Variants in LRRC61 observed in about 807,000 individuals in gnomAD.
LRRC61 encodes leucine rich repeat containing 61, also known as leucine-rich repeat-containing protein 61.
A neutral mutation model predicts 15.1 loss-of-function variants in LRRC61; 9 were observed. That is an observed-to-expected ratio of 0.60 (90% CI 0.36 to 1.04). LRRC61 has a LOEUF of 1.04. Among genes scored for constraint, LRRC61 ranks in the 50% least tolerant of loss-of-function variants. The pLI, the probability that LRRC61 is intolerant of heterozygous loss-of-function variation, is 0.01. For missense variants in LRRC61, 344 were observed against 335.6 expected, an observed-to-expected ratio of 1.03 and a Z score of -0.20; for synonymous variants, 173 against 158.6, an observed-to-expected ratio of 1.09 and a Z score of -0.68.
At chr7:150,331,929 T>C (rs1036439927) in intron 2 of LRRC61, 1 of 167,136 alleles carries the variant, frequency 6.0e-6, no homozygotes, top group African/African-American at 2.4e-5. Context: ...AGAAACCGAC[T>C]GAAGGGACTG....
Position 150,337,565 on chromosome 7 carries a change from G to A in LRRC61, c.704G>A (p.Arg235His), listed in dbSNP as rs138347257. ...CTGCAGGAGTGCTGGGACCTGGACC[G>A]CCAGGCCAGCGACAGCCTGGCCCAG... ...DTLQECWDLD[R>H]QASDSLAQAE... The change falls in exon 3 of 3, where the codon CGC becomes CAC. Residue 235 changes from arginine (R) to histidine (H), a missense_variant. Transcript: ENST00000359623. 2.2e-5 allele frequency: 35 copies of A among 1,590,270 alleles called. No individual in the cohort carries two copies. The African/African-American group carries it at 2.3e-4, about 10-fold the overall frequency.
In LRRC61 at chr7:150,337,935, C is replaced by T. The variant is rs572049265; in HGVS notation, c.*294C>T. On this transcript the variant is annotated 3_prime_UTR_variant, in exon 3 of 3. Transcript: ENST00000359623. ...AACTTAGTGGAAGGAATTACTTCCTCCTGAGGCTACAGGCGAGAAAGGTAG... is the reference window on the plus strand; with the variant it reads ...AACTTAGTGGAAGGAATTACTTCCTTCTGAGGCTACAGGCGAGAAAGGTAG... 1 of 498,212 alleles carries T rather than the reference C, an allele frequency of 2.0e-6. No homozygotes were observed. Among genetic ancestry groups the T allele is most frequent in the Non-Finnish European group, 3.7e-6 (1 of 271,610 alleles). 30.9% of individuals were successfully genotyped at this position (498,212 alleles called of 1,614,324 possible). A position where few individuals can be genotyped will look rare whatever the true frequency, so the allele number is the denominator to read the frequency against.
In LRRC61 at chr7:150,323,559, A is replaced by G; in HGVS notation, c.-316A>G. On this transcript the variant is annotated splice_region_variant and 5_prime_UTR_variant, in exon 1 of 3. Coordinates refer to ENST00000359623, the MANE Select transcript of LRRC61 (RefSeq NM_001142928.2). Reference sequence around the variant, plus strand: ...CCGCAGGCTGCCGGCTCCACCCCTCAGGTAAGCGGGGACTGGGCCGCCGAG... The same window carrying G: ...CCGCAGGCTGCCGGCTCCACCCCTCGGGTAAGCGGGGACTGGGCCGCCGAG... 2 of 440,706 alleles carry G rather than the reference A, an allele frequency of 4.5e-6. No homozygotes were observed. Among genetic ancestry groups the G allele is most frequent in the South Asian group, 3.2e-5 (2 of 63,130 alleles). The allele number at this position is 440,706 out of a possible 1,614,324, so 27.3% of individuals were successfully genotyped here.
At chr7:150,314,779 A>C in the LRRC61 span, among the ~76,000 whole-genome samples, 3 of 149,156 alleles carry the variant, frequency 2.0e-5, no homozygotes, top group Non-Finnish European at 3.0e-5. Context: ...TCCAAAAAAA[A>C]AAAAAAAACA....
the LRRC61 span, among the ~76,000 whole-genome samples, chr7:150,310,711 C>A: frequency 6.6e-6 from 1 of 152,148 alleles, no homozygotes; most frequent in Admixed American, 6.5e-5. Flanking sequence ...CTGTCCTACC[C>A]CAAGGTTTCA....
At chr7:150,331,446 T>C in intron 2 of LRRC61, 1 of 255,548 alleles carries the variant, frequency 3.9e-6, no homozygotes, top group Non-Finnish European at 8.0e-6. Context: ...TAAACCTATT[T>C]GGTAGGAAAG....
At chr7:150,321,133 A>T (rs1265134857), upstream of LRRC61, among the ~76,000 whole-genome samples, 1 of 152,180 alleles carries the variant, frequency 6.6e-6, no homozygotes, top group African/African-American at 2.4e-5. Flanking sequence ...GCTTGTGTTC[A>T]GCAAAAATCT....
chr7:150,316,537 GTGCAGTGGCGCGATCTCAGCTCAC>G, the LRRC61 span, among the ~76,000 whole-genome samples: 1 of 143,090 alleles, frequency 7.0e-6, no homozygotes, highest in Non-Finnish European at 1.5e-5. Flanking sequence ...CCAGGCGGGA[GTGCAGTGGCGCGATCTCAGCTCAC>G]TGCAACCTCT....
At chr7:150,318,488 T>C (rs1471705796), upstream of LRRC61, among the ~76,000 whole-genome samples, 10 of 152,158 alleles carry the variant, frequency 6.6e-5, no homozygotes, top group Non-Finnish European at 1.5e-4. Context: ...GAGTTGCCAG[T>C]TGCGGTGGCT....
rs1585050136 is a variant in LRRC61 at position 150,336,753 on chromosome 7, G to A, written c.-109G>A. The stretch of plus-strand genomic sequence containing the variant: ...GCTTCGAGCAGGGCATCGGAACCAG[G>A]CCTCCTGGCACTGGCCTGGGTAGAG... On this transcript the variant is annotated 5_prime_UTR_variant, in exon 3 of 3. Coordinates refer to ENST00000359623, the MANE Select transcript of LRRC61 (RefSeq NM_001142928.2). 2.1e-6 allele frequency: 3 copies of A among 1,439,656 alleles called. No homozygotes were observed. The highest frequency in any genetic ancestry group is 2.8e-6 in the Non-Finnish European group (3 of 1,075,710). 89.2% of individuals were successfully genotyped at this position (1,439,656 alleles called of 1,614,324 possible). A position where few individuals can be genotyped will look rare whatever the true frequency, so the allele number is the denominator to read the frequency against.
chr7:150,331,198 T>C, intron 2 of LRRC61: 1 of 1,393,520 alleles, frequency 7.2e-7, no homozygotes, highest in Non-Finnish European at 9.7e-7. Context: ...GCATCTCCTC[T>C]TCTTGAAGGC....
At chr7:150,321,054 C>T (rs1210650184), upstream of LRRC61, among the ~76,000 whole-genome samples, 2 of 152,182 alleles carry the variant, frequency 1.3e-5, no homozygotes, top group East Asian at 3.9e-4. Context: ...TCACTTAGTT[C>T]AGTTTTAGCA....
intron 2 of LRRC61, among the ~76,000 whole-genome samples, chr7:150,326,526 C>T: frequency 6.6e-6 from 1 of 151,672 alleles, no homozygotes; most frequent in Non-Finnish European, 1.5e-5. Context: ...CTACAGAAAA[C>T]ACAAAAATTA....
rs1288212572 is a variant in LRRC61 at position 150,337,132 on chromosome 7, G to T, written c.271G>T (p.Glu91Ter). 6.2e-7 allele frequency: 1 copy of T among 1,611,838 alleles called. No individual in the cohort carries two copies. The highest frequency in any genetic ancestry group is 8.5e-7 in the Non-Finnish European group (1 of 1,179,986). ...NVSNNRLTGL[E>*]PLATCENLQS... ...CTCCAACAATCGGCTGACGGGCCTG[G>T]AGCCACTGGCCACCTGTGAGAACTT... The change falls in exon 3 of 3, where the codon GAG becomes TAG. Residue 91 changes from glutamate to a stop codon, truncating the protein, a stop_gained. Transcript: ENST00000359623. LOFTEE classifies it high-confidence loss of function.
chr7:150,315,045 T>C, the LRRC61 span, among the ~76,000 whole-genome samples: 3 of 147,410 alleles, frequency 2.0e-5, no homozygotes, highest in Admixed American at 1.4e-4. Context: ...TATTAATAAT[T>C]ACTTTTATTA....
rs766007281 is a variant in LRRC61 at position 150,330,787 on chromosome 7, G to T, written c.-145+4777G>T. ...CCAAGTCCCCTGCAAAGCCCCAGGG[G>T]TCTGTGCGTGGACCCCACCAGGGTA... On this transcript the variant is annotated intron_variant, in intron 2 of 2. Coordinates refer to ENST00000359623, the MANE Select transcript of LRRC61 (RefSeq NM_001142928.2). The surrounding 1 kb of genome is among the most constrained non-coding windows in gnomAD (Gnocchi z 4.6). 7 of 1,613,634 alleles carry T rather than the reference G, an allele frequency of 4.3e-6. No homozygotes were observed. The Admixed American group carries it at 8.3e-5, about 19-fold the overall frequency.
At chr7:150,328,939 A>C (rs1798025408) in intron 2 of LRRC61, among the ~76,000 whole-genome samples, 1 of 152,152 alleles carries the variant, frequency 6.6e-6, no homozygotes, top group South Asian at 2.1e-4. Context: ...CCCATGCCCT[A>C]GGATTAGGAA....
At position 150,337,026 on chromosome 7, in the gene LRRC61, G is replaced by C. The variant is rs780799076; in HGVS notation, c.165G>C (p.Leu55=). ...DLGCLGECLG[L]EWLDLSGNAL... ...GCTGCCTGGGAGAGTGCCTGGGCCT[G>C]GAGTGGCTGGACCTATCAGGCAACG... Residue 55 remains leucine, a synonymous_variant, in exon 3 of 3, where the codon CTG becomes CTC. Transcript: ENST00000359623. The C allele has an allele frequency of 4.3e-6, 7 of 1,613,710 alleles. No homozygotes were observed. Among genetic ancestry groups the C allele is most frequent in the South Asian group, 1.1e-5 (1 of 91,090 alleles).
chr7:150,321,610 C>T (rs961016351), upstream of LRRC61, among the ~76,000 whole-genome samples: 1 of 152,122 alleles, frequency 6.6e-6, no homozygotes, highest in Non-Finnish European at 1.5e-5. Context: ...TGTGGTGGTT[C>T]ACGCCTGTAG....
Sources: gnomAD v4.1 joint callset for allele counts (sites outside exome capture counted in the v4.1 genomes callset) on GRCh38, gnomAD v4.1.1 for gene constraint, Gnocchi (gnomAD v3.1) non-coding constraint, MANE v1.5 for transcripts, NCBI Gene and HGNC (gene_info 2026-07-23, HGNC 2026-07-21) for gene names.